ZBTB20: variants seen among roughly 807,000 people sequenced by gnomAD.
ZBTB20 encodes the protein zinc finger and BTB domain containing 20.
In ZBTB20, 9 loss-of-function variants were observed where a neutral mutation model predicts 56.9. That is an observed-to-expected ratio of 0.16 (90% CI 0.10 to 0.28). ZBTB20 has a LOEUF of 0.28. ZBTB20 is among the 10% of genes least tolerant of loss of function. The pLI, the probability that ZBTB20 is intolerant of heterozygous loss-of-function variation, is 1.00. For missense variants in ZBTB20, 655 were observed against 1,003.0 expected (o/e 0.65, Z 4.69); for synonymous variants, 417 against 420.7 (o/e 0.99, Z 0.11).
chr3:114,579,954 C>T (rs769569732), intron 6 of ZBTB20, among the ~76,000 whole-genome samples: 12 of 151,502 alleles, frequency 7.9e-5, no homozygotes, highest in Non-Finnish European at 1.5e-4. Context: ...ATGACAAATA[C>T]TCAGAATAAA....
chr3:114,343,214 A>C (rs1326698384), intron 11 of ZBTB20, among the ~76,000 whole-genome samples: 1 of 152,126 alleles, frequency 6.6e-6, no homozygotes, highest in Non-Finnish European at 1.5e-5. Context: ...TGAAGCTCAC[A>C]AAGTTCAAGT....
intron 4 of ZBTB20, among the ~76,000 whole-genome samples, chr3:114,815,359 G>C (rs1001468445): frequency 6.6e-6 from 1 of 152,008 alleles, no homozygotes; most frequent in Non-Finnish European, 1.5e-5. Context: ...TGAAAATATA[G>C]AAAATATGAG....
At chr3:114,417,552 A>G (rs1484307056) in intron 7 of ZBTB20, among the ~76,000 whole-genome samples, 1 of 152,078 alleles carries the variant, frequency 6.6e-6, no homozygotes, top group Non-Finnish European at 1.5e-5. Context: ...CAGAGGCTCA[A>G]AGGACGTTAA....
chr3:114,906,418 C>A (rs2107688860), intron 3 of ZBTB20, among the ~76,000 whole-genome samples: 1 of 151,652 alleles, frequency 6.6e-6, no homozygotes, highest in African/African-American at 2.4e-5. Context: ...CTAGAAAAAG[C>A]AATGGAATCA....
chr3:114,356,230 C>T (rs2081239295), intron 10 of ZBTB20: 1 of 152,132 alleles, frequency 6.6e-6, no homozygotes, highest in Non-Finnish European at 1.5e-5. Context: ...GGATAGAGGG[C>T]CTGACTCTCT....
intron 3 of ZBTB20, among the ~76,000 whole-genome samples, chr3:114,914,280 T>C (rs538791608): frequency 4.6e-5 from 7 of 152,124 alleles, no homozygotes; most frequent in Non-Finnish European, 8.8e-5. Context: ...GTTTTTATTG[T>C]AGAGATCTTT....
At chr3:114,640,012 A>T (rs1437289130) in intron 6 of ZBTB20, among the ~76,000 whole-genome samples, 2 of 151,642 alleles carry the variant, frequency 1.3e-5, no homozygotes, top group African/African-American at 4.8e-5. Flanking sequence ...TAGTAGTTTA[A>T]TTTTTTTTTA....
chr3:114,376,303 A>C (rs1480820218), intron 10 of ZBTB20, among the ~76,000 whole-genome samples: 1 of 152,214 alleles, frequency 6.6e-6, no homozygotes, highest in East Asian at 1.9e-4. Context: ...GTGTTGTGTA[A>C]TCAGGGAATG....
rs190732697 is a variant in ZBTB20, at chr3:114,336,974, A to G, written c.*2031T>C. Reference sequence around the variant, plus strand: ...CTGGAATCCCTTCAGGACACTGTCTATAATGAAAATGTCTCTATTATAACA... The same window carrying G: ...CTGGAATCCCTTCAGGACACTGTCTGTAATGAAAATGTCTCTATTATAACA... On this transcript the variant is annotated 3_prime_UTR_variant, in exon 12 of 12. Transcript: ENST00000675478. 6.6e-5 allele frequency: 10 copies of G among 152,334 alleles called. No individual in the cohort carries two copies. Among genetic ancestry groups the G allele is most frequent in the African/African-American group, 1.9e-4 (8 of 41,580 alleles). The allele number at this position is 152,334 out of a possible 1,614,324, so 9.4% of individuals were successfully genotyped here. A position where few individuals can be genotyped will look rare whatever the true frequency, so the allele number is the denominator to read the frequency against.
chr3:114,871,408 T>C (rs2076005893), intron 4 of ZBTB20, among the ~76,000 whole-genome samples: 1 of 152,130 alleles, frequency 6.6e-6, no homozygotes, highest in South Asian at 2.1e-4. Context: ...AGTTTTAGGG[T>C]CCTTTTTGCC....
chr3:114,896,307 T>C (rs2074876127), intron 4 of ZBTB20, among the ~76,000 whole-genome samples: 2 of 152,242 alleles, frequency 1.3e-5, no homozygotes, highest in South Asian at 2.1e-4. Context: ...CCTATATTCA[T>C]AGCCAAATTG....
intron 2 of ZBTB20, among the ~76,000 whole-genome samples, chr3:115,065,866 A>G (rs959612769): frequency 6.6e-6 from 1 of 152,178 alleles, no homozygotes; most frequent in Non-Finnish European, 1.5e-5. Flanking sequence ...ATCCCCTTAA[A>G]GTAGTGACTC....
chr3:114,546,937 G>A (rs1367292690), intron 6 of ZBTB20, among the ~76,000 whole-genome samples: 1 of 152,162 alleles, frequency 6.6e-6, no homozygotes, highest in Non-Finnish European at 1.5e-5. Context: ...ACAAAGGCAT[G>A]GAAATGGGAA....
chr3:114,365,290 A>C (rs1247555920), intron 10 of ZBTB20, among the ~76,000 whole-genome samples: 1 of 152,108 alleles, frequency 6.6e-6, no homozygotes, highest in Non-Finnish European at 1.5e-5. Context: ...TCATTCATTT[A>C]ATCCTCTATT....
chr3:114,440,735 C>T (rs867316390), intron 7 of ZBTB20, among the ~76,000 whole-genome samples: 2 of 152,164 alleles, frequency 1.3e-5, no homozygotes, highest in Non-Finnish European at 2.9e-5. Context: ...ACCCTTCTCT[C>T]GCAAGAGCTA....
At chr3:114,767,592 GA>G (rs982433918) in intron 5 of ZBTB20, among the ~76,000 whole-genome samples, 4 of 151,272 alleles carry the variant, frequency 2.6e-5, no homozygotes, top group African/African-American at 9.7e-5. Flanking sequence ...GAAGGAAACA[GA>G]AAGGGAGGAG....
intron 5 of ZBTB20, among the ~76,000 whole-genome samples, chr3:114,740,524 G>C (rs559290264): frequency 6.6e-6 from 1 of 152,338 alleles, no homozygotes; most frequent in Admixed American, 6.5e-5. Flanking sequence ...TCAGAAATGA[G>C]AGTTGATTTA....
chr3:114,759,788 G>A (rs1236116911), intron 5 of ZBTB20, among the ~76,000 whole-genome samples: 2 of 152,022 alleles, frequency 1.3e-5, no homozygotes, highest in Non-Finnish European at 2.9e-5. Context: ...CCAAATATAT[G>A]CTACACACTG....
intron 5 of ZBTB20, among the ~76,000 whole-genome samples, chr3:114,782,094 A>G (rs2070148166): frequency 6.6e-6 from 1 of 152,224 alleles, no homozygotes; most frequent in Non-Finnish European, 1.5e-5. Flanking sequence ...GCACTCACTG[A>G]GGAAAGTGGA....
Sources: gnomAD v4.1 joint callset for allele counts (sites outside exome capture counted in the v4.1 genomes callset) on GRCh38, gnomAD v4.1.1 for gene constraint, MANE v1.5 for transcripts, NCBI Gene and HGNC (gene_info 2026-07-23, HGNC 2026-07-21) for gene names.